STK24: variants seen among roughly 807,000 people sequenced by gnomAD.
The protein encoded by STK24 is serine/threonine kinase 24.
STK24 carries 21 observed loss-of-function variants against 55.6 expected under a neutral mutation model. That is an observed-to-expected ratio of 0.38 (90% confidence interval 0.27 to 0.54). The LOEUF (loss-of-function observed/expected upper bound fraction) is 0.54. STK24 is among the 20% of genes least tolerant of loss of function. The pLI, the probability that STK24 is intolerant of heterozygous loss-of-function variation, is 0.79. For missense variants in STK24, 383 were observed against 538.4 expected (o/e 0.71, Z 2.86); for synonymous variants, 200 against 215.2 (o/e 0.93, Z 0.62).
At chr13:98,483,958 G>GC (rs1297012742) in intron 2 of STK24, among the ~76,000 whole-genome samples, 1 of 152,216 alleles carries the variant, frequency 6.6e-6, no homozygotes, top group Non-Finnish European at 1.5e-5. Context: ...GCGTTTAAAT[G>GC]CCCTTGACTG....
intron 1 of STK24, among the ~76,000 whole-genome samples, chr13:98,557,425 G>A (rs1252558279): frequency 3.3e-5 from 5 of 152,140 alleles, no homozygotes; most frequent in African/African-American, 7.2e-5. Context: ...TTCGCCCCAG[G>A]GCACCTCCCT....
chr13:98,571,449 T>C (rs1897737049), intron 1 of STK24, among the ~76,000 whole-genome samples: 1 of 152,108 alleles, frequency 6.6e-6, no homozygotes, highest in Non-Finnish European at 1.5e-5. Context: ...TACTTGAAGG[T>C]CACTTGCTTT....
At chr13:98,465,252 G>C (rs1893883686) in intron 6 of STK24, among the ~76,000 whole-genome samples, 1 of 152,238 alleles carries the variant, frequency 6.6e-6, no homozygotes, top group South Asian at 2.1e-4. Flanking sequence ...CATGAGAAAC[G>C]TGGATCACCT....
At chr13:98,549,955 G>C (rs1195431486) in intron 1 of STK24, among the ~76,000 whole-genome samples, 1 of 152,156 alleles carries the variant, frequency 6.6e-6, no homozygotes, top group Non-Finnish European at 1.5e-5. Context: ...GACTATGCCT[G>C]GTGTAACCTC....
At chr13:98,474,586 C>T (rs1262415805) in intron 5 of STK24, among the ~76,000 whole-genome samples, 2 of 152,152 alleles carry the variant, frequency 1.3e-5, no homozygotes, top group Non-Finnish European at 2.9e-5. Context: ...ACCAAACAAA[C>T]ATAGCCTGAG....
chr13:98,538,310 C>T (rs1401650985), intron 1 of STK24, among the ~76,000 whole-genome samples: 4 of 149,238 alleles, frequency 2.7e-5, no homozygotes, highest in African/African-American at 9.8e-5. Context: ...CTGAAACCTC[C>T]GCCTCCCAGG....
chr13:98,561,124 C>T (rs560199354), intron 1 of STK24, among the ~76,000 whole-genome samples: 1 of 152,262 alleles, frequency 6.6e-6, no homozygotes, highest in Admixed American at 6.5e-5. Flanking sequence ...GGGTAAGGTG[C>T]CCAGCAGGAG....
At chr13:98,488,805 TA>T (rs373575793) in intron 2 of STK24, among the ~76,000 whole-genome samples, 32 of 150,764 alleles carry the variant, frequency 2.1e-4, no homozygotes, top group African/African-American at 7.1e-4. Context: ...CCACCAAGGT[TA>T]AAAAAAAAGA....
chr13:98,536,912 C>A (rs2139412531), intron 1 of STK24, among the ~76,000 whole-genome samples: 1 of 152,284 alleles, frequency 6.6e-6, no homozygotes, highest in South Asian at 2.1e-4. Flanking sequence ...GCCTGTCCTC[C>A]AGTCGCCCAG....
chr13:98,494,799 T>C (rs919360083), intron 2 of STK24, among the ~76,000 whole-genome samples: 19 of 152,338 alleles, frequency 1.2e-4, no homozygotes, highest in African/African-American at 4.3e-4. Context: ...ACAGTCACAC[T>C]GCACTAGGGT....
At position 98,448,803 on chromosome 13, in the gene STK24, C is replaced by CATTTTATT. The variant is rs58896682; in HGVS notation, c.*4369_*4370insAATAAAAT. The CATTTTATT allele has an allele frequency of 2.0e-5, 3 of 151,288 alleles. No individual in the cohort carries two copies. The highest frequency in any genetic ancestry group is 4.4e-5 in the Non-Finnish European group (3 of 68,162). The allele number at this position is 151,288 out of a possible 1,614,324, so 9.4% of individuals were successfully genotyped here. A position where few individuals can be genotyped will look rare whatever the true frequency, so the allele number is the denominator to read the frequency against. On this transcript the variant is annotated 3_prime_UTR_variant, in exon 11 of 11. Coordinates refer to ENST00000539966, the MANE Select transcript of STK24 (RefSeq NM_001032296.4). ...AGCAAATGAGATCATTTTCAGATTT[C>CATTTTATT]ATTTTTTTTTTCAGTCTTTCTACTT...
At chr13:98,461,644 C>A in intron 8 of STK24, 130 bp downstream of exon 8, 1 of 1,322,624 alleles carries the variant, frequency 7.6e-7, no homozygotes, top group Non-Finnish European at 1.1e-6. Flanking sequence ...TGCCCATCCC[C>A]TAGCAACAAA....
intron 1 of STK24, among the ~76,000 whole-genome samples, chr13:98,537,496 G>A (rs117253396): frequency 0.012 from 1,765 of 152,290 alleles, 16 homozygotes; most frequent in Admixed American, 0.018. Flanking sequence ...GCTGTGGCAC[G>A]AGAGGCAGAC....
chr13:98,459,597 T>A, intron 9 of STK24, among the ~76,000 whole-genome samples: 1 of 152,350 alleles, frequency 6.6e-6, no homozygotes. Flanking sequence ...TGAGCTCCTA[T>A]GACACTTCCT....
intron 7 of STK24, 126 bp downstream of exon 7, chr13:98,463,565 G>T: frequency 8.6e-7 from 1 of 1,167,384 alleles, no homozygotes; most frequent in Non-Finnish European, 1.2e-6. Context: ...CACAACAATT[G>T]CCACCAACCT....
At chr13:98,495,887 A>T (rs549345953) in intron 2 of STK24, among the ~76,000 whole-genome samples, 185 of 152,328 alleles carry the variant, frequency 1.2e-3, no homozygotes, top group African/African-American at 4.4e-3. Flanking sequence ...TACCCACTAC[A>T]GTCTGATACC....
chr13:98,446,631 C>T lies in STK24; in HGVS notation c.*6542G>A. ...CCAGGCCCAGCAGCAGAAGCTGACC[C>T]CGAAAAGCCACTTTGCTTTGTTTCC... On this transcript the variant is annotated 3_prime_UTR_variant, in exon 11 of 11. Coordinates refer to ENST00000539966, the MANE Select transcript of STK24 (RefSeq NM_001032296.4). 9 of 1,610,232 alleles carry T rather than the reference C, an allele frequency of 5.6e-6. No individual in the cohort carries two copies. Among genetic ancestry groups the T allele is most frequent in the Non-Finnish European group, 7.6e-6 (9 of 1,177,206 alleles).
Position 98,456,957 on chromosome 13 carries a change from G to A in STK24, c.1259+211C>T, listed in dbSNP as rs571227676. 42 of 645,270 alleles carry A rather than the reference G, an allele frequency of 6.5e-5. No individual in the cohort carries two copies. In the African/African-American group the frequency reaches 6.8e-4, roughly 10 times the overall value. 40.0% of individuals were successfully genotyped at this position (645,270 alleles called of 1,614,324 possible). The stretch of plus-strand genomic sequence containing the variant: ...GCTACAAATGCACTAAGTCCTGTGG[G>A]CTTTCCAGTAGTTTCCAGATTCAGA... On this transcript the variant is annotated intron_variant, in intron 10 of 10. Coordinates refer to ENST00000539966, the MANE Select transcript of STK24 (RefSeq NM_001032296.4).
rs55881605 is a variant in STK24 at position 98,461,819 on chromosome 13, A to G, written c.1008T>C (p.Asn336=). The G allele has an allele frequency of 2.0e-5, 32 of 1,614,132 alleles. No individual in the cohort carries two copies. The East Asian group carries it at 6.2e-4, about 31-fold the overall frequency. The change falls in exon 8 of 11, where the codon AAT becomes AAC. Residue 336 remains asparagine, a synonymous_variant. Transcript: ENST00000539966. ...ATGGCTGAAGAGCTCCATTCTCGAG[A>G]TTCTTGGGATCTTTTTCTCGGATTG... ...IFTIREKDPK[N]LENGALQPSD...
Sources: gnomAD v4.1 joint callset for allele counts (sites outside exome capture counted in the v4.1 genomes callset) on GRCh38, gnomAD v4.1.1 for gene constraint, MANE v1.5 for transcripts, NCBI Gene and HGNC (gene_info 2026-07-23, HGNC 2026-07-21) for gene names.